ZFPM2: variants seen among roughly 807,000 people sequenced by gnomAD.
The protein encoded by ZFPM2 is zinc finger protein ZFPM2.
In ZFPM2, 20 loss-of-function variants were observed where a neutral mutation model predicts 98.6. The ratio of observed to expected loss-of-function variants is 0.20; its 90% CI spans 0.14 to 0.29. ZFPM2 has a LOEUF of 0.29. Ranked by LOEUF, ZFPM2 falls within the 10% of genes least tolerant of loss-of-function variation. The pLI is 1.00. For synonymous variants in ZFPM2, 518 were observed against 502.7 expected (o/e 1.03, Z -0.41); for missense variants, 1,310 against 1,388.6 (o/e 0.94, Z 0.90).
intron 5 of ZFPM2, among the ~76,000 whole-genome samples, chr8:105,692,415 T>C (rs1264260690): frequency 6.6e-6 from 1 of 152,194 alleles, no homozygotes; most frequent in Non-Finnish European, 1.5e-5. Flanking sequence ...CTTATGGATG[T>C]GCAAATACAT....
intron 5 of ZFPM2, among the ~76,000 whole-genome samples, chr8:105,663,670 T>C (rs1372618): frequency 0.093 from 14,161 of 152,248 alleles, 816 homozygotes; most frequent in African/African-American, 0.16. Context: ...GCGTCAGTCA[T>C]ATGGGGTAGG....
At chr8:105,692,597 G>A (rs1262963073) in intron 5 of ZFPM2, among the ~76,000 whole-genome samples, 2 of 152,208 alleles carry the variant, frequency 1.3e-5, no homozygotes, top group East Asian at 3.8e-4. Flanking sequence ...TATGGATGAA[G>A]AAAAGATTAC....
chr8:105,446,058 C>A (rs1348986488), intron 3 of ZFPM2, among the ~76,000 whole-genome samples: 1 of 151,932 alleles, frequency 6.6e-6, no homozygotes, highest in Non-Finnish European at 1.5e-5. Context: ...GTAGCTGGGA[C>A]TACAGGCATG....
intron 4 of ZFPM2, among the ~76,000 whole-genome samples, chr8:105,580,566 A>G (rs1414890338): frequency 6.6e-6 from 1 of 152,076 alleles, no homozygotes; most frequent in African/African-American, 2.4e-5. Context: ...CAAGATACAA[A>G]GTGTAAAATA....
intron 1 of ZFPM2, among the ~76,000 whole-genome samples, chr8:105,334,507 A>G (rs1360481416): frequency 6.6e-6 from 1 of 151,680 alleles, no homozygotes; most frequent in Non-Finnish European, 1.5e-5. Flanking sequence ...CTTTTAAAGT[A>G]TAGTATTTCT....
intron 3 of ZFPM2, among the ~76,000 whole-genome samples, chr8:105,446,472 A>G (rs1812372680): frequency 6.6e-6 from 1 of 152,182 alleles, no homozygotes; most frequent in South Asian, 2.1e-4. Flanking sequence ...CTGTACACCC[A>G]GTGCTACCTT....
At chr8:105,738,305 G>T (rs554121683) in intron 5 of ZFPM2, among the ~76,000 whole-genome samples, 4 of 152,074 alleles carry the variant, frequency 2.6e-5, no homozygotes, top group African/African-American at 9.6e-5. Context: ...GTTTGCTAAG[G>T]ATAGTGGTCT....
At chr8:105,623,864 A>G (rs1163795717) in intron 4 of ZFPM2, among the ~76,000 whole-genome samples, 2 of 152,100 alleles carry the variant, frequency 1.3e-5, no homozygotes, top group Non-Finnish European at 2.9e-5. Flanking sequence ...CACTTTCTCT[A>G]AAAGGGTTAA....
At chr8:105,689,721 A>G (rs1032583432) in intron 5 of ZFPM2, among the ~76,000 whole-genome samples, 1 of 152,296 alleles carries the variant, frequency 6.6e-6, no homozygotes, top group Admixed American at 6.5e-5. Flanking sequence ...CATATTCTGC[A>G]TGGCATTTTT....
intron 5 of ZFPM2, among the ~76,000 whole-genome samples, chr8:105,640,300 C>T (rs1237745327): frequency 6.7e-6 from 1 of 148,504 alleles, no homozygotes; most frequent in Non-Finnish European, 1.5e-5. Flanking sequence ...TATTTATCAG[C>T]AATTTTTTTT....
At chr8:105,468,916 C>G (rs761179717) in intron 3 of ZFPM2, among the ~76,000 whole-genome samples, 5 of 151,968 alleles carry the variant, frequency 3.3e-5, no homozygotes, top group Non-Finnish European at 7.4e-5. Flanking sequence ...ATCATTAATC[C>G]TCTTTCCTCT....
Position 105,788,708 on chromosome 8 carries a change from T to A in ZFPM2, c.533-10T>A. The A allele has an allele frequency of 1.2e-6, 2 of 1,613,740 alleles. No homozygotes were observed. The highest frequency in any genetic ancestry group is 1.7e-6 in the Non-Finnish European group (2 of 1,179,664). ...GTCAATTTTATCTTTTTCTTTTTTCTTCTTAATAGGGGGTCAGCTTTGGTG... is the reference window on the plus strand; with the variant it reads ...GTCAATTTTATCTTTTTCTTTTTTCATCTTAATAGGGGGTCAGCTTTGGTG... On this transcript the variant is annotated splice_polypyrimidine_tract_variant and intron_variant, in intron 5 of 7. Transcript: ENST00000407775.
At chr8:105,359,219 A>G (rs1173647250) in intron 1 of ZFPM2, among the ~76,000 whole-genome samples, 1 of 152,076 alleles carries the variant, frequency 6.6e-6, no homozygotes, top group African/African-American at 2.4e-5. Context: ...GCCTGCCACC[A>G]TGTAAGACAT....
intron 1 of ZFPM2, among the ~76,000 whole-genome samples, chr8:105,391,064 A>G (rs1440836374): frequency 2.0e-5 from 3 of 152,106 alleles, no homozygotes; most frequent in Non-Finnish European, 2.9e-5. Flanking sequence ...TTGCAGACAT[A>G]CCTCATTTTA....
chr8:105,391,794 T>C (rs1271308089), intron 1 of ZFPM2, among the ~76,000 whole-genome samples: 2 of 152,200 alleles, frequency 1.3e-5, no homozygotes, highest in Admixed American at 6.5e-5. Context: ...AGCCCATCTG[T>C]AGTTACTTTC....
chr8:105,604,156 T>C (rs1312339172), intron 4 of ZFPM2, among the ~76,000 whole-genome samples: 2 of 152,016 alleles, frequency 1.3e-5, no homozygotes, highest in African/African-American at 4.8e-5. Context: ...ATCTGAATCT[T>C]CCTCATCTTC....
intron 5 of ZFPM2, among the ~76,000 whole-genome samples, chr8:105,755,258 C>A (rs1454269390): frequency 6.6e-6 from 1 of 152,068 alleles, no homozygotes; most frequent in Non-Finnish European, 1.5e-5. Context: ...ACCTCTATGT[C>A]AAAAATCACC....
At chr8:105,436,466 G>C (rs533269619) in intron 2 of ZFPM2, among the ~76,000 whole-genome samples, 36 of 150,738 alleles carry the variant, frequency 2.4e-4, no homozygotes, top group Middle Eastern at 3.4e-3. Flanking sequence ...GAGCCAAGAT[G>C]GAGCCATTGC....
intron 4 of ZFPM2, among the ~76,000 whole-genome samples, chr8:105,592,896 G>A (rs1815881190): frequency 6.6e-6 from 1 of 152,162 alleles, no homozygotes; most frequent in Non-Finnish European, 1.5e-5. Context: ...AGAGCTGCTT[G>A]CCTCATTTCA....
Sources: gnomAD v4.1 joint callset for allele counts (sites outside exome capture counted in the v4.1 genomes callset) on GRCh38, gnomAD v4.1.1 for gene constraint, MANE v1.5 for transcripts, NCBI Gene and HGNC (gene_info 2026-07-23, HGNC 2026-07-21) for gene names.